The following GNG12 variants were observed in gnomAD, a reference collection of about 807,000 sequenced individuals.
GNG12 encodes the protein guanine nucleotide-binding protein G(I)/G(S)/G(O) subunit gamma-12.
For missense variants in GNG12, 69 were observed against 83.8 expected (o/e 0.82, Z 0.69); for synonymous variants, 28 against 29.7 (o/e 0.94, Z 0.19).
At chr1:67,817,066 A>G (rs1482597992) in intron 1 of GNG12, among the ~76,000 whole-genome samples, 4 of 152,262 alleles carry the variant, frequency 2.6e-5, no homozygotes, top group Non-Finnish European at 5.9e-5. Flanking sequence ...CTGACAATAT[A>G]AAGATGAAAA....
chr1:67,790,559 A>G (rs569705106), intron 1 of GNG12, among the ~76,000 whole-genome samples: 1 of 151,236 alleles, frequency 6.6e-6, no homozygotes, highest in Non-Finnish European at 1.5e-5. Flanking sequence ...ATGTATCTGC[A>G]TCGACAACTT....
chr1:67,705,441 C>A lies in GNG12; in HGVS notation c.*10G>T. 6.2e-7 allele frequency: 1 copy of A among 1,613,144 alleles called. No homozygotes were observed. The highest frequency in any genetic ancestry group is 8.5e-7 in the Non-Finnish European group (1 of 1,179,686). On this transcript the variant is annotated 3_prime_UTR_variant, in exon 4 of 4. Transcript: ENST00000370982. ...GTTGGGAAGAGGCGAGGAGCTGTTT[C>A]TCTATTCCACTATAAGATGATGCAA...
At chr1:67,784,814 G>C (rs373810738) in intron 1 of GNG12, among the ~76,000 whole-genome samples, 372 of 23,032 alleles carry the variant, frequency 0.016, 1 homozygote, top group African/African-American at 0.054. Flanking sequence ...GCTATATTTT[G>C]TATAAACTTA....
intron 1 of GNG12, among the ~76,000 whole-genome samples, chr1:67,817,351 G>A (rs928108119): frequency 6.6e-6 from 1 of 152,208 alleles, no homozygotes; most frequent in Non-Finnish European, 1.5e-5. Flanking sequence ...AAGTAGGTAA[G>A]TACTGCTTTC....
At position 67,705,509 on chromosome 1, in the gene GNG12, A is replaced by G; in HGVS notation, c.161T>C (p.Ile54Thr). 1.2e-6 allele frequency: 2 copies of G among 1,614,146 alleles called. No individual in the cohort carries two copies. Among genetic ancestry groups the G allele is most frequent in the Non-Finnish European group, 1.7e-6 (2 of 1,180,024 alleles). ...EEHARSDPLL[I>T]GIPTSENPFK... The stretch of plus-strand genomic sequence containing the variant: ...AGGGTTTTCTGAAGTTGGTATTCCT[A>G]TCAGCAAAGGGTCACTCCTGGCATG... The change falls in exon 4 of 4, where the codon ATA (isoleucine) becomes ACA (threonine). Residue 54 changes from isoleucine (I) to threonine (T), a missense_variant. Ile to Thr is a moderately conservative substitution (Grantham distance 89). Transcript: ENST00000370982.
intron 1 of GNG12, among the ~76,000 whole-genome samples, chr1:67,786,935 A>ATATATATG (rs1332684243): frequency 1.6e-4 from 22 of 133,470 alleles, no homozygotes; most frequent in African/African-American, 5.1e-4. Context: ...TTATATATAT[A>ATATATATG]TGTGTGTGTG....
chr1:67,786,935 ATGTGTGTGTGTG>A (rs60096043), intron 1 of GNG12, among the ~76,000 whole-genome samples: 53,570 of 133,454 alleles, frequency 0.4, 11,283 homozygotes, highest in East Asian at 0.51. Context: ...TTATATATAT[ATGTGTGTGTGTG>A]TGTGTGTGTG....
intron 1 of GNG12, among the ~76,000 whole-genome samples, chr1:67,804,630 G>A (rs1212757709): frequency 6.6e-6 from 1 of 152,096 alleles, no homozygotes; most frequent in Non-Finnish European, 1.5e-5. Flanking sequence ...GAAGTAAAGT[G>A]ACAGGGCAAA....
intron 1 of GNG12, among the ~76,000 whole-genome samples, chr1:67,822,718 ATT>A (rs2100823864): frequency 6.8e-6 from 1 of 147,554 alleles, no homozygotes; most frequent in Admixed American, 7.0e-5. Context: ...TTTAAAAATT[ATT>A]TTTGTTTTTT....
chr1:67,707,613 G>A lies in GNG12; in HGVS notation c.74C>T (p.Ala25Val). 1.3e-6 allele frequency: 2 copies of A among 1,587,922 alleles called. No homozygotes were observed. Among genetic ancestry groups the A allele is most frequent in the South Asian group, 1.1e-5 (1 of 88,948 alleles). ...TCTTACCTTTATTCTTTCAATGGAGGCTTCTAATCTTAACTGCTGCACAGT... is the reference window on the plus strand; with the variant it reads ...TCTTACCTTTATTCTTTCAATGGAGACTTCTAATCTTAACTGCTGCACAGT... The part of the protein sequence containing the change: ...RRTVQQLRLE[A>V]SIERIKVSKA... The change falls in exon 3 of 4, where the codon GCC becomes GTC. Residue 25 changes from alanine (A) to valine (V), a missense_variant. Ala to Val is a moderately conservative substitution (Grantham distance 64). Coordinates refer to ENST00000370982, the MANE Select transcript of GNG12 (RefSeq NM_018841.6).
intron 1 of GNG12, among the ~76,000 whole-genome samples, chr1:67,790,352 C>A (rs1047391214): frequency 6.6e-6 from 1 of 152,070 alleles, no homozygotes; most frequent in Non-Finnish European, 1.5e-5. Context: ...TGCTGCCCAG[C>A]GTTTAGGGAA....
intron 2 of GNG12, among the ~76,000 whole-genome samples, chr1:67,724,257 A>C (rs898122213): frequency 1.3e-5 from 2 of 152,204 alleles, no homozygotes; most frequent in Non-Finnish European, 2.9e-5. Context: ...TGGTCAAAAG[A>C]GGAGCTGATA....
At chr1:67,759,028 T>C (rs899854602) in intron 2 of GNG12, among the ~76,000 whole-genome samples, 19 of 152,186 alleles carry the variant, frequency 1.2e-4, no homozygotes, top group African/African-American at 4.6e-4. Context: ...GCTAAAAAAA[T>C]GTGCAATGTT....
chr1:67,722,962 G>A (rs1373149764), intron 2 of GNG12, among the ~76,000 whole-genome samples: 1 of 152,102 alleles, frequency 6.6e-6, no homozygotes, highest in Admixed American at 6.5e-5. Flanking sequence ...TGTAAAACAG[G>A]ATAACAAGAG....
At chr1:67,780,684 T>C (rs1296581720) in intron 1 of GNG12, among the ~76,000 whole-genome samples, 1 of 152,180 alleles carries the variant, frequency 6.6e-6, no homozygotes, top group Non-Finnish European at 1.5e-5. Flanking sequence ...AGTTTTGACT[T>C]CATCTTTTAA....
chr1:67,726,451 G>A (rs937635317), intron 2 of GNG12, among the ~76,000 whole-genome samples: 1 of 152,184 alleles, frequency 6.6e-6, no homozygotes, highest in African/African-American at 2.4e-5. Context: ...TATGCCTTGG[G>A]TTGGGCACAG....
intron 1 of GNG12, among the ~76,000 whole-genome samples, chr1:67,795,324 T>C (rs1482965681): frequency 2.0e-5 from 3 of 152,312 alleles, no homozygotes; most frequent in African/African-American, 7.2e-5. Flanking sequence ...ACGGACACCA[T>C]GCCTGCAAGA....
chr1:67,716,576 T>C (rs1171396672), intron 2 of GNG12, among the ~76,000 whole-genome samples: 2 of 152,164 alleles, frequency 1.3e-5, no homozygotes, highest in African/African-American at 2.4e-5. Context: ...CAGATTTACA[T>C]GGCAGAGACT....
At chr1:67,788,760 T>C (rs1646784152) in intron 1 of GNG12, among the ~76,000 whole-genome samples, 1 of 152,214 alleles carries the variant, frequency 6.6e-6, no homozygotes, top group African/African-American at 2.4e-5. Context: ...GCCTTACTTA[T>C]TGCAATGGCT....
Sources: allele counts gnomAD v4.1 joint callset (sites outside exome capture counted in the v4.1 genomes callset), GRCh38; gene constraint gnomAD v4.1.1; transcripts MANE v1.5; gene names NCBI Gene and HGNC (gene_info 2026-07-23, HGNC 2026-07-21).